The following CPQ variants were observed in gnomAD, a reference collection of about 807,000 sequenced individuals.
CPQ encodes the protein Ser-Met dipeptidase.
In CPQ, 37 loss-of-function variants were observed where a neutral mutation model predicts 45.7. The observed-to-expected ratio is 0.81, with a 90% CI of 0.62 to 1.07. The LOEUF is 1.07. Among genes scored for constraint, CPQ ranks in the 50% least tolerant of loss-of-function variants. The probability of loss-of-function intolerance (pLI) is 0.00; values close to 1 mark genes in which losing one functional copy is unlikely to be tolerated. For synonymous variants in CPQ, 186 were observed against 205.8 expected (o/e 0.90, Z 0.82); for missense variants, 537 against 572.9 (o/e 0.94, Z 0.64).
chr8:96,861,753 A>AG (rs1460319886), intron 3 of CPQ, among the ~76,000 whole-genome samples: 1 of 152,142 alleles, frequency 6.6e-6, no homozygotes, highest in Non-Finnish European at 1.5e-5. Flanking sequence ...ACAAACACAA[A>AG]GGGCCAGCAC....
At chr8:97,093,595 A>G (rs1386487757) in intron 7 of CPQ, among the ~76,000 whole-genome samples, 2 of 152,138 alleles carry the variant, frequency 1.3e-5, no homozygotes, top group African/African-American at 4.8e-5. Context: ...AAAAGACCCC[A>G]CTGTGACACA....
At chr8:96,695,098 A>C (rs1361604391) in intron 1 of CPQ, among the ~76,000 whole-genome samples, 3 of 136,316 alleles carry the variant, frequency 2.2e-5, no homozygotes, top group East Asian at 2.1e-4. Flanking sequence ...AGAGATATAG[A>C]TCAATGGAAC....
chr8:96,835,069 A>G lies in CPQ; in HGVS notation c.530A>G (p.Tyr177Cys), dbSNP rs1346743234. Reference sequence around the variant, plus strand: ...AAGATTGTTGTTTATAACCAACCTTACATCAACTACTCAAGGACGGTGCAA... The same window carrying G: ...AAGATTGTTGTTTATAACCAACCTTGCATCAACTACTCAAGGACGGTGCAA... ...RGKIVVYNQP[Y>C]INYSRTVQYR... is the part of the protein sequence containing the mutation. Residue 177 changes from tyrosine (Y) to cysteine (C), a missense_variant, in exon 3 of 8, where the codon TAC (tyrosine) becomes TGC (cysteine). Transcript: ENST00000220763. 4 of 1,613,450 alleles carry G rather than the reference A, an allele frequency of 2.5e-6. No homozygotes were observed. In the African/African-American group the frequency reaches 4.0e-5, roughly 16 times the overall value.
chr8:96,940,281 T>G (rs956819441), intron 4 of CPQ, among the ~76,000 whole-genome samples: 1 of 152,108 alleles, frequency 6.6e-6, no homozygotes, highest in Non-Finnish European at 1.5e-5. Flanking sequence ...CAAATCATGG[T>G]TCATAAAACT....
At chr8:96,869,720 C>A (rs951287693) in intron 3 of CPQ, among the ~76,000 whole-genome samples, 1 of 152,054 alleles carries the variant, frequency 6.6e-6, no homozygotes, top group Admixed American at 6.6e-5. Flanking sequence ...AATGAAAGTT[C>A]TCTGGCCTCA....
intron 1 of CPQ, among the ~76,000 whole-genome samples, chr8:96,743,513 T>C (rs1810126824): frequency 6.6e-6 from 1 of 152,212 alleles, no homozygotes; most frequent in Non-Finnish European, 1.5e-5. Flanking sequence ...GTTCCGTTGC[T>C]GGTGAGGAAC....
intron 1 of CPQ, among the ~76,000 whole-genome samples, chr8:96,731,656 G>A (rs769751332): frequency 9.2e-5 from 14 of 152,074 alleles, no homozygotes; most frequent in Admixed American, 2.0e-4. Flanking sequence ...AGGGAACCAG[G>A]CAAAGTCCAT....
At position 96,872,617 on chromosome 8, in the gene CPQ, AT is replaced by A. The variant is rs1308199162; in HGVS notation, c.642-7178del. Among the ~76,000 whole-genome samples, 7 of 152,026 alleles carry A rather than the reference AT, an allele frequency of 4.6e-5. No homozygotes were observed. In the East Asian group the frequency reaches 1.4e-3, roughly 29 times the overall value. On this transcript the variant is annotated intron_variant, in intron 3 of 7. Transcript: ENST00000220763. ...TTGGTCATGGCAAACATTGGGATAT[AT>A]TTGTCTGCAAATAAAAGAAAACTCG...
intron 5 of CPQ, among the ~76,000 whole-genome samples, chr8:96,975,284 A>T (rs1813755869): frequency 6.6e-6 from 1 of 152,122 alleles, no homozygotes. Flanking sequence ...ATCCTCCTAG[A>T]TTAAACCAAG....
chr8:96,722,974 A>T (rs756425349), intron 1 of CPQ, among the ~76,000 whole-genome samples: 2 of 151,932 alleles, frequency 1.3e-5, no homozygotes, highest in African/African-American at 2.4e-5. Flanking sequence ...AAGGAAAGAC[A>T]TATAAATATT....
chr8:96,985,384 C>T (rs1461788300), intron 5 of CPQ, among the ~76,000 whole-genome samples: 2 of 152,136 alleles, frequency 1.3e-5, no homozygotes, highest in East Asian at 3.9e-4. Context: ...TTTTGTCTCC[C>T]ATGTCTCTCA....
chr8:96,945,637 C>T (rs550430685), intron 4 of CPQ, among the ~76,000 whole-genome samples: 1 of 152,042 alleles, frequency 6.6e-6, no homozygotes, highest in Non-Finnish European at 1.5e-5. Flanking sequence ...CAATTTAGCA[C>T]CTCTTTCAAG....
chr8:96,948,465 G>C (rs1813218137), intron 4 of CPQ, among the ~76,000 whole-genome samples: 1 of 151,728 alleles, frequency 6.6e-6, no homozygotes, highest in Non-Finnish European at 1.5e-5. Flanking sequence ...TTTTTCTTTT[G>C]CTATTGATTT....
intron 7 of CPQ, among the ~76,000 whole-genome samples, chr8:97,142,169 A>G (rs1812179467): frequency 1.3e-5 from 2 of 152,166 alleles, no homozygotes; most frequent in African/African-American, 4.8e-5. Flanking sequence ...GTTCTGTACA[A>G]TCTTATGTGT....
chr8:96,907,477 C>T (rs1324673716), intron 4 of CPQ, among the ~76,000 whole-genome samples: 1 of 152,142 alleles, frequency 6.6e-6, no homozygotes. Flanking sequence ...ATCAAAATAG[C>T]CATACCCAAC....
chr8:97,137,669 C>G (rs1010575609), intron 7 of CPQ, among the ~76,000 whole-genome samples: 5 of 152,190 alleles, frequency 3.3e-5, no homozygotes, highest in African/African-American at 1.2e-4. Flanking sequence ...GGACTTCTGG[C>G]CTGTAATCCC....
chr8:96,885,155 T>C (rs2130885097), intron 4 of CPQ, among the ~76,000 whole-genome samples: 1 of 152,258 alleles, frequency 6.6e-6, no homozygotes, highest in African/African-American at 2.4e-5. Flanking sequence ...TGCAAGGAAC[T>C]AAGGAACTTC....
At chr8:96,712,512 C>A (rs188723638) in intron 1 of CPQ, among the ~76,000 whole-genome samples, 1 of 152,222 alleles carries the variant, frequency 6.6e-6, no homozygotes, top group Non-Finnish European at 1.5e-5. Context: ...CAGAGCTTCC[C>A]AAACCCCAGT....
intron 1 of CPQ, among the ~76,000 whole-genome samples, chr8:96,688,575 A>G (rs1414608901): frequency 6.9e-6 from 1 of 145,056 alleles, no homozygotes; most frequent in Non-Finnish European, 1.5e-5. Context: ...TTACTTTATA[A>G]TTATATCTTT....
Sources: allele counts gnomAD v4.1 joint callset (sites outside exome capture counted in the v4.1 genomes callset), GRCh38; gene constraint gnomAD v4.1.1; transcripts MANE v1.5; gene names NCBI Gene and HGNC (gene_info 2026-07-23, HGNC 2026-07-21).